WWOX: variants seen among roughly 807,000 people sequenced by gnomAD.
WWOX encodes WW domain-containing oxidoreductase.
In WWOX, 69 loss-of-function variants were observed where a neutral mutation model predicts 46.2. That is an observed-to-expected ratio of 1.49 (90% CI 1.23 to 1.82). The LOEUF (loss-of-function observed/expected upper bound fraction) is 1.82, where lower values mean the gene tolerates loss of function less well. WWOX is among the 40% of genes most tolerant of loss of function. WWOX has a pLI of 0.00. For synonymous variants in WWOX, 359 were observed against 202.6 expected, an observed-to-expected ratio of 1.77 and a Z score of -6.56; for missense variants, 919 against 542.6, an observed-to-expected ratio of 1.69 and a Z score of -6.89.
rs529151744 is a variant in WWOX, at chr16:79,153,805, G to C, written c.1057-57803G>C. Among the ~76,000 whole-genome samples the C allele has an allele frequency of 2.0e-5, 3 of 152,140 alleles. No individual in the cohort carries two copies. The East Asian group carries it at 5.8e-4, about 29-fold the overall frequency. ...TAGCTGTTTATGGGTAGGAGAATGC[G>C]TGCTCTTTTAGGGACATCTCTTCAA... On this transcript the variant is annotated intron_variant, in intron 8 of 8. Coordinates refer to ENST00000566780, the MANE Select transcript of WWOX (RefSeq NM_016373.4).
chr16:78,369,549 C>A (rs566213500), intron 5 of WWOX, among the ~76,000 whole-genome samples: 37 of 152,284 alleles, frequency 2.4e-4, no homozygotes, highest in African/African-American at 8.9e-4. Context: ...GCTGGCCACA[C>A]AAGTGCACCT....
chr16:79,071,012 C>G (rs1271648845), intron 8 of WWOX, among the ~76,000 whole-genome samples: 2 of 152,186 alleles, frequency 1.3e-5, no homozygotes, highest in South Asian at 2.1e-4. Context: ...AGGGAGTGTA[C>G]TCTCGAGGGA....
intron 8 of WWOX, among the ~76,000 whole-genome samples, chr16:78,699,398 G>A (rs917485279): frequency 1.3e-5 from 2 of 151,584 alleles, no homozygotes; most frequent in Non-Finnish European, 2.9e-5. Context: ...AATTAGCCAG[G>A]CGTGGTAGCT....
At chr16:78,124,265 G>A (rs916222241) in intron 4 of WWOX, 8 of 152,060 alleles carry the variant, frequency 5.3e-5, no homozygotes, top group African/African-American at 1.9e-4. Flanking sequence ...TATTTCACCA[G>A]AGTAAAGATA....
chr16:78,601,495 C>G (rs189127012), intron 8 of WWOX, among the ~76,000 whole-genome samples: 5 of 151,842 alleles, frequency 3.3e-5, no homozygotes, highest in African/African-American at 1.2e-4. Context: ...TCTATTATCT[C>G]CAAGCCATTA....
chr16:78,773,254 G>A (rs1233584024), intron 8 of WWOX, among the ~76,000 whole-genome samples: 1 of 152,086 alleles, frequency 6.6e-6, no homozygotes, highest in Admixed American at 6.5e-5. Flanking sequence ...TGTGTTCTCC[G>A]ATTCCACACC....
At chr16:78,751,041 A>C (rs367978066) in intron 8 of WWOX, among the ~76,000 whole-genome samples, 2 of 152,062 alleles carry the variant, frequency 1.3e-5, no homozygotes, top group Non-Finnish European at 2.9e-5. Flanking sequence ...TGGTAATTCT[A>C]TTTTTAGACC....
intron 6 of WWOX, among the ~76,000 whole-genome samples, chr16:78,419,625 C>CG (rs1491558183): frequency 9.8e-4 from 44 of 44,676 alleles, no homozygotes; most frequent in Non-Finnish European, 1.4e-3. Flanking sequence ...CAAAAAATAG[C>CG]AAAAAAAAAA....
chr16:78,426,228 T>G (rs964296675), intron 7 of WWOX, among the ~76,000 whole-genome samples: 3 of 152,000 alleles, frequency 2.0e-5, no homozygotes, highest in Non-Finnish European at 4.4e-5. Flanking sequence ...GAAAGTGGAG[T>G]GGCCCTGTTA....
intron 8 of WWOX, among the ~76,000 whole-genome samples, chr16:79,182,755 G>A (rs1161155554): frequency 1.3e-5 from 2 of 152,168 alleles, no homozygotes; most frequent in African/African-American, 4.8e-5. Context: ...GTTTTGTTAT[G>A]AGGAGTAAAT....
chr16:78,686,293 C>G (rs952295771), intron 8 of WWOX, among the ~76,000 whole-genome samples: 1 of 151,826 alleles, frequency 6.6e-6, no homozygotes, highest in Non-Finnish European at 1.5e-5. Context: ...GGGCGGATCA[C>G]GAGGTCAGGA....
chr16:79,017,883 G>A (rs946721888), intron 8 of WWOX, among the ~76,000 whole-genome samples: 1 of 152,144 alleles, frequency 6.6e-6, no homozygotes, highest in African/African-American at 2.4e-5. Context: ...GTAGTTTGCT[G>A]ACATCCAGGC....
intron 4 of WWOX, among the ~76,000 whole-genome samples, chr16:78,144,448 C>CGTGT (rs71380475): frequency 1.3e-3 from 22 of 17,578 alleles, no homozygotes; most frequent in African/African-American, 2.6e-3. Context: ...TATATATATA[C>CGTGT]ACATATATAT....
intron 8 of WWOX, among the ~76,000 whole-genome samples, chr16:78,974,641 C>T (rs900082249): frequency 4.6e-5 from 7 of 152,110 alleles, no homozygotes; most frequent in Non-Finnish European, 7.3e-5. Flanking sequence ...AAATGTCACC[C>T]GATGCAACTG....
chr16:78,651,962 G>A (rs2046974998), intron 8 of WWOX, among the ~76,000 whole-genome samples: 1 of 152,136 alleles, frequency 6.6e-6, no homozygotes, highest in Non-Finnish European at 1.5e-5. Context: ...GCCATTATCA[G>A]TTACATTATT....
At chr16:78,753,599 C>G (rs532511438) in intron 8 of WWOX, among the ~76,000 whole-genome samples, 9 of 151,354 alleles carry the variant, frequency 5.9e-5, no homozygotes, top group Non-Finnish European at 1.2e-4. Flanking sequence ...CAGGAGTTTG[C>G]GACCAGCCTG....
chr16:79,145,577 A>T (rs577146771), intron 8 of WWOX, among the ~76,000 whole-genome samples: 1 of 152,352 alleles, frequency 6.6e-6, no homozygotes, highest in Non-Finnish European at 1.5e-5. Flanking sequence ...AATATTCATG[A>T]TAGCTGTCAA....
chr16:78,738,815 C>T (rs889877288), intron 8 of WWOX, among the ~76,000 whole-genome samples: 7 of 152,268 alleles, frequency 4.6e-5, no homozygotes, highest in Non-Finnish European at 7.4e-5. Flanking sequence ...GCCACAGTCT[C>T]CTAGTCCTAA....
chr16:79,134,065 G>C (rs2049935654), intron 8 of WWOX, among the ~76,000 whole-genome samples: 1 of 152,032 alleles, frequency 6.6e-6, no homozygotes, highest in Non-Finnish European at 1.5e-5. Flanking sequence ...TAGAGGTTTG[G>C]TTGTCACTAT....
Sources: gnomAD v4.1 joint callset for allele counts (sites outside exome capture counted in the v4.1 genomes callset) on GRCh38, gnomAD v4.1.1 for gene constraint, MANE v1.5 for transcripts, NCBI Gene and HGNC (gene_info 2026-07-23, HGNC 2026-07-21) for gene names.